Variants in KIAA1671 observed in about 807,000 individuals in gnomAD.
The protein encoded by KIAA1671 is KIAA1671.
Under a neutral mutation model 131.2 loss-of-function variants are expected in KIAA1671, and 52 were observed. The observed-to-expected ratio is 0.40, with a 90% CI of 0.32 to 0.50. The LOEUF (loss-of-function observed/expected upper bound fraction) is 0.50, where lower values mean the gene tolerates loss of function less well. KIAA1671 is among the 20% of genes least tolerant of loss of function. The pLI is 0.73. For synonymous variants in KIAA1671, 1,003 were observed against 961.6 expected, an observed-to-expected ratio of 1.04 and a Z score of -0.80; for missense variants, 2,360 against 2,364.2, an observed-to-expected ratio of 1.00 and a Z score of 0.04.
rs1180817146 is a variant in KIAA1671 at position 25,039,366 on chromosome 22, G to A, written c.2236G>A (p.Glu746Lys). ...VHAVGERVHSEAISPAPEEKA... is the reference protein window; with the variant it reads ...VHAVGERVHSKAISPAPEEKA... Reference sequence around the variant, plus strand: ...TGCAGTGGGAGAGCGTGTGCACAGCGAGGCCATCTCACCGGCACCGGAGGA... The same window carrying A: ...TGCAGTGGGAGAGCGTGTGCACAGCAAGGCCATCTCACCGGCACCGGAGGA... The change falls in exon 5 of 13, where the codon GAG becomes AAG. Residue 746 changes from glutamate to lysine, a missense_variant. This residue lies in a region of KIAA1671 where 1,185 missense variants were observed against 1,126.2 expected (regional missense o/e 1.05). Transcript: ENST00000358431. 10 of 1,551,736 alleles carry A rather than the reference G, an allele frequency of 6.4e-6. No homozygotes were observed. The East Asian group carries it at 1.2e-4, about 19-fold the overall frequency.
At chr22:25,003,361 T>G (rs974419721) in intron 1 of KIAA1671, among the ~76,000 whole-genome samples, 22 of 151,632 alleles carry the variant, frequency 1.5e-4, no homozygotes, top group African/African-American at 5.3e-4. Context: ...CAAAAAAGAT[T>G]AAAATTAGCC....
intron 6 of KIAA1671, among the ~76,000 whole-genome samples, chr22:25,136,730 G>A (rs1932693006): frequency 6.6e-6 from 1 of 152,184 alleles, no homozygotes; most frequent in Non-Finnish European, 1.5e-5. Flanking sequence ...TGGAGCTTGG[G>A]GCAGAGCTAT....
At chr22:25,014,765 T>C (rs957578519) in intron 1 of KIAA1671, 2 of 152,146 alleles carry the variant, frequency 1.3e-5, no homozygotes, top group East Asian at 1.9e-4. Flanking sequence ...GTCGTTATCA[T>C]GTGGAACGCC....
chr22:24,982,700 T>A (rs563361105), intron 1 of KIAA1671, among the ~76,000 whole-genome samples: 101 of 152,266 alleles, frequency 6.6e-4, no homozygotes, highest in Non-Finnish European at 1.2e-3. Context: ...GAGGCTTTTA[T>A]CTCCAGGGTC....
intron 9 of KIAA1671, chr22:25,179,236 A>G: frequency 9.6e-6 from 14 of 1,460,678 alleles, no homozygotes; most frequent in Non-Finnish European, 1.2e-5. Flanking sequence ...TTGCATCTAG[A>G]CAGAGGTGAA....
chr22:25,125,859 G>C (rs946867781), intron 6 of KIAA1671, among the ~76,000 whole-genome samples: 4 of 152,224 alleles, frequency 2.6e-5, no homozygotes, highest in African/African-American at 9.7e-5. Context: ...TCTGGACAAG[G>C]CCAAAGTATT....
At chr22:25,129,114 T>C (rs866882521) in intron 6 of KIAA1671, among the ~76,000 whole-genome samples, 10 of 151,684 alleles carry the variant, frequency 6.6e-5, no homozygotes, top group Non-Finnish European at 1.3e-4. Flanking sequence ...TCCTTTGTTA[T>C]GTTTCTCTCC....
At chr22:24,971,089 T>C (rs1922588894) in intron 1 of KIAA1671, among the ~76,000 whole-genome samples, 1 of 152,192 alleles carries the variant, frequency 6.6e-6, no homozygotes, top group African/African-American at 2.4e-5. Flanking sequence ...TCCCGAGTAA[T>C]GGGATTACAG....
chr22:25,010,066 C>G (rs1425235234), intron 1 of KIAA1671: 1 of 152,224 alleles, frequency 6.6e-6, no homozygotes, highest in East Asian at 1.9e-4. Flanking sequence ...CCAGATTGTT[C>G]TGTTAGAGAG....
Position 25,123,201 on chromosome 22 carries a change from T to G in KIAA1671, c.4531-47619T>G, listed in dbSNP as rs1318282965. ...ACTTCTGAGATGAGGTTTTTTTTTTTTTTTTTTTTTTTTGAGATGGAGTCT... is the reference window on the plus strand; with the variant it reads ...ACTTCTGAGATGAGGTTTTTTTTTTGTTTTTTTTTTTTTGAGATGGAGTCT... On this transcript the variant is annotated intron_variant, in intron 6 of 12. Transcript: ENST00000358431. Among the ~76,000 whole-genome samples the G allele has an allele frequency of 8.5e-5, 12 of 140,480 alleles. No individual in the cohort carries two copies. The South Asian group carries it at 1.0e-3, about 12-fold the overall frequency. The allele number at this position is 140,480 out of a possible 152,430, so 92.2% of individuals were successfully genotyped here.
chr22:25,109,045 C>G (rs1385442480), intron 6 of KIAA1671, among the ~76,000 whole-genome samples: 1 of 152,034 alleles, frequency 6.6e-6, no homozygotes, highest in African/African-American at 2.4e-5. Flanking sequence ...CCCAGTATGA[C>G]CTCAGAGAAG....
chr22:25,127,464 A>G (rs913737654), intron 6 of KIAA1671, among the ~76,000 whole-genome samples: 3 of 152,302 alleles, frequency 2.0e-5, no homozygotes, highest in Admixed American at 2.0e-4. Flanking sequence ...AGGTGGACAC[A>G]TGGGCCTGGC....
intron 6 of KIAA1671, among the ~76,000 whole-genome samples, chr22:25,161,198 C>T (rs1933432147): frequency 6.6e-6 from 1 of 152,196 alleles, no homozygotes; most frequent in Non-Finnish European, 1.5e-5. Context: ...GGTACTGTAA[C>T]TAAGCACTGA....
At chr22:25,051,030 A>G (rs1927504444) in intron 6 of KIAA1671, 1 of 152,284 alleles carries the variant, frequency 6.6e-6, no homozygotes, top group Non-Finnish European at 1.5e-5. Context: ...TCTGTCATTG[A>G]AGAGCTTTTG....
chr22:24,975,654 C>T lies in KIAA1671; in HGVS notation c.-208+22882C>T, dbSNP rs1346739744. Among the ~76,000 whole-genome samples, 5 of 152,190 alleles carry T rather than the reference C, an allele frequency of 3.3e-5. No homozygotes were observed. In the South Asian group the frequency reaches 8.3e-4, roughly 25 times the overall value. On this transcript the variant is annotated intron_variant, in intron 1 of 12. Transcript: ENST00000358431. ...TTGAAATATATGAAATTGCCATTTT[C>T]GTAGGTCAAGAATGGCAGATACCAG...
At chr22:25,071,410 C>G (rs1294011364) in intron 6 of KIAA1671, among the ~76,000 whole-genome samples, 1 of 152,132 alleles carries the variant, frequency 6.6e-6, no homozygotes, top group Non-Finnish European at 1.5e-5. Flanking sequence ...CTGAGCCCCC[C>G]AGAGCAGTGG....
intron 6 of KIAA1671, among the ~76,000 whole-genome samples, chr22:25,107,967 C>T (rs1435491243): frequency 1.3e-5 from 2 of 152,058 alleles, no homozygotes; most frequent in South Asian, 2.1e-4. Flanking sequence ...GATATCACGC[C>T]ATTGCACTCC....
intron 6 of KIAA1671, among the ~76,000 whole-genome samples, chr22:25,149,915 T>C (rs1460604849): frequency 6.6e-6 from 1 of 152,154 alleles, no homozygotes; most frequent in Non-Finnish European, 1.5e-5. Flanking sequence ...CCAGGAAGCC[T>C]TCCCTGACCC....
intron 6 of KIAA1671, among the ~76,000 whole-genome samples, chr22:25,123,140 G>A (rs915413275): frequency 2.3e-4 from 34 of 150,068 alleles, no homozygotes; most frequent in African/African-American, 6.5e-4. Context: ...ATGCTGTACT[G>A]GGTTGGTCAG....
Sources: gnomAD v4.1 joint callset for allele counts (sites outside exome capture counted in the v4.1 genomes callset) on GRCh38, gnomAD v4.1.1 for gene constraint, gnomAD v4.1.1 regional missense constraint, MANE v1.5 for transcripts, NCBI Gene and HGNC (gene_info 2026-07-23, HGNC 2026-07-21) for gene names.